Variants in SLC22A16 observed in about 807,000 individuals in gnomAD.
SLC22A16 encodes WUGSC:RG331P03.1.
In SLC22A16, 53 loss-of-function variants were observed where a neutral mutation model predicts 52.9. That is an observed-to-expected ratio of 1.00 (90% CI 0.80 to 1.26). The LOEUF (loss-of-function observed/expected upper bound fraction) is 1.26, where lower values mean the gene tolerates loss of function less well. Among genes scored for constraint, SLC22A16 ranks in the 50% most tolerant of loss-of-function variants. The pLI is 0.00. For missense variants in SLC22A16, 726 were observed against 704.0 expected (o/e 1.03, Z -0.35); for synonymous variants, 291 against 268.8 (o/e 1.08, Z -0.81).
intron 5 of SLC22A16, among the ~76,000 whole-genome samples, chr6:110,437,962 T>A (rs1408227398): frequency 6.6e-6 from 1 of 152,134 alleles, no homozygotes; most frequent in Non-Finnish European, 1.5e-5. Flanking sequence ...GTACTGAAAC[T>A]CTACCAGTCT....
In SLC22A16 at chr6:110,456,621, T is replaced by G; in HGVS notation, c.450A>C (p.Arg150=). 1.9e-6 allele frequency: 3 copies of G among 1,614,210 alleles called. No individual in the cohort carries two copies. Among genetic ancestry groups the G allele is most frequent in the Non-Finnish European group, 1.7e-6 (2 of 1,180,038 alleles). Residue 150 remains arginine (R), a synonymous_variant, in exon 2 of 8, where the codon CGA becomes CGC. Transcript: ENST00000368919. ...AVTQWNLVCD[R]KWLAMLIQPL... Reference sequence around the variant, plus strand: ...GCTGGATCAGCATTGCAAGCCATTTTCGGTCACAGACCAGGTTCCACTGGG... The same window carrying G: ...GCTGGATCAGCATTGCAAGCCATTTGCGGTCACAGACCAGGTTCCACTGGG...
intron 1 of SLC22A16, among the ~76,000 whole-genome samples, chr6:110,457,923 C>G (rs911012303): frequency 6.6e-6 from 1 of 152,114 alleles, no homozygotes; most frequent in South Asian, 2.1e-4. Flanking sequence ...AGAGAAGACT[C>G]TACTCCACCA....
intron 3 of SLC22A16, among the ~76,000 whole-genome samples, chr6:110,446,658 AAC>A (rs78494664): frequency 0.065 from 9,915 of 152,280 alleles, 396 homozygotes; most frequent in Non-Finnish European, 0.091. Context: ...CACAGAGGCA[AAC>A]ACACTTCTGC....
chr6:110,438,511 T>C (rs77262756), intron 5 of SLC22A16, among the ~76,000 whole-genome samples: 2 of 151,912 alleles, frequency 1.3e-5, no homozygotes, highest in African/African-American at 4.8e-5. Context: ...CTTTTTTTTT[T>C]ACATTTTTCT....
intron 1 of SLC22A16, among the ~76,000 whole-genome samples, chr6:110,475,577 G>C (rs1776433877): frequency 6.6e-6 from 1 of 152,164 alleles, no homozygotes; most frequent in Non-Finnish European, 1.5e-5. Context: ...TTGAAGAACA[G>C]CACCACATCA....
intron 1 of SLC22A16, among the ~76,000 whole-genome samples, chr6:110,463,514 T>TAAAAAAAAAAAAACAAAAAAAAA (rs1775960779): frequency 1.9e-5 from 1 of 53,270 alleles, no homozygotes; most frequent in African/African-American, 7.8e-5. Context: ...GTAACAACAG[T>TAAAAAAAAAAAAACAAAAAAAAA]AAAAAAAAAA....
chr6:110,463,544 A>G (rs1188210997), intron 1 of SLC22A16, among the ~76,000 whole-genome samples: 1 of 151,248 alleles, frequency 6.6e-6, no homozygotes, highest in Non-Finnish European at 1.5e-5. Context: ...AAAGACAAAG[A>G]ATAGCATTAT....
intron 1 of SLC22A16, among the ~76,000 whole-genome samples, chr6:110,459,345 G>A (rs377580045): frequency 8.5e-5 from 13 of 152,182 alleles, no homozygotes; most frequent in African/African-American, 2.7e-4. Flanking sequence ...CCCCAGTGAC[G>A]TCATGTGGAT....
intron 5 of SLC22A16, 65 bp downstream of exon 5, chr6:110,438,655 A>C: frequency 6.5e-7 from 1 of 1,539,092 alleles, no homozygotes; most frequent in Non-Finnish European, 8.8e-7. Context: ...AACTGTAATA[A>C]GCTAAATTCT....
chr6:110,425,189 T>C, intron 7 of SLC22A16, 104 bp from the exon 8 acceptor site: 2 of 1,538,708 alleles, frequency 1.3e-6, no homozygotes, highest in Non-Finnish European at 1.8e-6. Flanking sequence ...GGATTTGAAT[T>C]TGACATAACA....
intron 1 of SLC22A16, among the ~76,000 whole-genome samples, chr6:110,463,835 T>A (rs1775975529): frequency 6.6e-6 from 1 of 151,694 alleles, no homozygotes; most frequent in Non-Finnish European, 1.5e-5. Context: ...CCACAGAATA[T>A]ACATTTTTCT....
At chr6:110,444,981 A>T (rs1775112291) in intron 3 of SLC22A16, among the ~76,000 whole-genome samples, 1 of 152,154 alleles carries the variant, frequency 6.6e-6, no homozygotes, top group Non-Finnish European at 1.5e-5. Context: ...CTGTTATTGG[A>T]TTCAGAAAAT....
At chr6:110,458,950 T>TATAACC (rs1775768561) in intron 1 of SLC22A16, among the ~76,000 whole-genome samples, 2 of 152,156 alleles carry the variant, frequency 1.3e-5, no homozygotes, top group Admixed American at 1.3e-4. Context: ...TCTCAGCCTT[T>TATAACC]ATAACCATGT....
At chr6:110,472,133 C>A (rs1231021609) in intron 1 of SLC22A16, among the ~76,000 whole-genome samples, 1 of 152,224 alleles carries the variant, frequency 6.6e-6, no homozygotes, top group East Asian at 1.9e-4. Flanking sequence ...TGGAGGGTAA[C>A]TTTCTGAGTT....
chr6:110,476,400 G>A (rs1434587002), intron 1 of SLC22A16, 122 bp downstream of exon 1: 21 of 1,388,348 alleles, frequency 1.5e-5, no homozygotes, highest in East Asian at 2.9e-5. Context: ...ACTGCGCGGG[G>A]TGAGGAGGAA....
intron 2 of SLC22A16, among the ~76,000 whole-genome samples, chr6:110,448,545 C>T (rs1775260821): frequency 6.6e-6 from 1 of 152,212 alleles, no homozygotes; most frequent in Non-Finnish European, 1.5e-5. Context: ...AAGAAACCAT[C>T]ATCTTCACAC....
chr6:110,443,334 G>C (rs1032286413), intron 3 of SLC22A16, among the ~76,000 whole-genome samples: 1 of 152,166 alleles, frequency 6.6e-6, no homozygotes, highest in Non-Finnish European at 1.5e-5. Context: ...TCAAATATCT[G>C]ATAAGGGATT....
intron 2 of SLC22A16, among the ~76,000 whole-genome samples, chr6:110,449,226 C>T (rs1035841613): frequency 3.9e-5 from 6 of 151,986 alleles, no homozygotes; most frequent in African/African-American, 1.5e-4. Context: ...ACTCGTTAGA[C>T]CCCTGCTGTC....
Position 110,460,259 on chromosome 6 carries a change from T to C in SLC22A16, c.54-3242A>G, listed in dbSNP as rs144352794. Among the ~76,000 whole-genome samples the C allele has an allele frequency of 5.2e-3, 789 of 152,332 alleles. 2 individuals carry two copies. The highest frequency in any genetic ancestry group is 0.02 in the Middle Eastern group (6 of 294). Reference sequence around the variant, plus strand: ...CACTTTTTGGTCTCAAGAGCCTCTATATTTTTACAAATTTTGAGGATTCCA... The same window carrying C: ...CACTTTTTGGTCTCAAGAGCCTCTACATTTTTACAAATTTTGAGGATTCCA... On this transcript the variant is annotated intron_variant, in intron 1 of 7. Coordinates refer to ENST00000368919, the MANE Select transcript of SLC22A16 (RefSeq NM_033125.4).
Sources: gnomAD v4.1 joint callset for allele counts (sites outside exome capture counted in the v4.1 genomes callset) on GRCh38, gnomAD v4.1.1 for gene constraint, MANE v1.5 for transcripts, NCBI Gene and HGNC (gene_info 2026-07-23, HGNC 2026-07-21) for gene names.